The following ZGRF1 variants were observed in gnomAD, a reference collection of about 807,000 sequenced individuals.
The protein encoded by ZGRF1 is 5'-3' DNA helicase ZGRF1.
ZGRF1 carries 196 observed loss-of-function variants against 203.5 expected under a neutral mutation model. The ratio of observed to expected loss-of-function variants is 0.96; its 90% CI spans 0.86 to 1.08. The LOEUF is 1.08. Ranked by LOEUF, ZGRF1 falls within the 50% of genes least tolerant of loss-of-function variation. The pLI is 0.00. For synonymous variants in ZGRF1, 809 were observed against 841.3 expected (o/e 0.96, Z 0.66); for missense variants, 2,326 against 2,416.3 (o/e 0.96, Z 0.78).
chr4:112,564,951 G>A (rs1742742130), intron 16 of ZGRF1: 7 of 800,148 alleles, frequency 8.7e-6, no homozygotes, highest in East Asian at 7.4e-5. Context: ...AGCTCCAGCC[G>A]AAGGAGAAAT....
rs375588921 is a variant in ZGRF1 at position 112,617,729 on chromosome 4, C to A, written c.2313G>T (p.Lys771Asn). 1.9e-6 allele frequency: 3 copies of A among 1,613,942 alleles called. No individual in the cohort carries two copies. The highest frequency in any genetic ancestry group is 2.5e-6 in the Non-Finnish European group (3 of 1,179,994). The change falls in exon 6 of 28, where the codon AAG becomes AAT. Residue 771 changes from lysine to asparagine, a missense_variant. Transcript: ENST00000505019. ...CTTCTGTGTCTTTGGAAATAAGATG[C>A]TTTTTTCCCAGTGGGTAAAACAAAG... ...SNSLFYPLGK[K>N]HLISKDTEAH...
rs375357793 is a variant in ZGRF1, at chr4:112,619,600, G to A, written c.442C>T (p.Pro148Ser). ...CTGCAGAATGGAGAAAAAATAGTAG[G>A]GCCAGTTTTCTTAGCCTCATGTGAT... is the stretch of plus-strand genomic sequence containing the variant. ...AASHEAKKTGPTIFSPFCSMP... is the reference protein window; with the variant it reads ...AASHEAKKTGSTIFSPFCSMP... The change falls in exon 6 of 28, where the codon CCT (proline) becomes TCT (serine). Residue 148 changes from proline (P) to serine (S), a missense_variant. Physicochemically the swap from Pro to Ser is moderately conservative, Grantham distance 74. Coordinates refer to ENST00000505019, the MANE Select transcript of ZGRF1 (RefSeq NM_018392.5). 8 of 1,613,664 alleles carry A rather than the reference G, an allele frequency of 5.0e-6. No homozygotes were observed. The African/African-American group carries it at 6.7e-5, about 13-fold the overall frequency.
intron 6 of ZGRF1, among the ~76,000 whole-genome samples, chr4:112,612,902 T>C (rs1681520249): frequency 6.6e-6 from 1 of 152,152 alleles, no homozygotes; most frequent in Admixed American, 6.5e-5. Context: ...AACCCAATAG[T>C]TAATAACCTA....
chr4:112,600,734 C>T (rs952692430), intron 10 of ZGRF1, among the ~76,000 whole-genome samples: 1 of 151,936 alleles, frequency 6.6e-6, no homozygotes, highest in Non-Finnish European at 1.5e-5. Flanking sequence ...GCTTCTAGCC[C>T]TCCTAGGCTC....
intron 20 of ZGRF1, among the ~76,000 whole-genome samples, chr4:112,555,594 AT>A (rs1025374204): frequency 1.3e-5 from 2 of 152,182 alleles, no homozygotes; most frequent in South Asian, 4.1e-4. Flanking sequence ...CTAGTTTACA[AT>A]TTTTTTTCCA....
Position 112,606,011 on chromosome 4 carries a change from AG to A in ZGRF1, c.2798del (p.Pro933LeufsTer11). Reference sequence around the variant, plus strand: ...CGATGTTCTTCACAAATTTTACCTTAGGGTCACAGGTTTTTCTCTCTATTTG... The same window carrying A: ...CGATGTTCTTCACAAATTTTACCTTAGGTCACAGGTTTTTCTCTCTATTTG... ...PKQIERKTCD[P>X]KPVEFQGHQV... On this transcript the variant is annotated frameshift_variant, in exon 9 of 28. Transcript: ENST00000505019. LOFTEE classifies it high-confidence loss of function. 1 of 1,579,870 alleles carries A rather than the reference AG, an allele frequency of 6.3e-7. No individual in the cohort carries two copies. Among genetic ancestry groups the A allele is most frequent in the Non-Finnish European group, 8.6e-7 (1 of 1,156,366 alleles).
intron 3 of ZGRF1, among the ~76,000 whole-genome samples, chr4:112,625,313 G>T (rs970971052): frequency 3.3e-5 from 5 of 151,676 alleles, no homozygotes; most frequent in Admixed American, 3.3e-4. Flanking sequence ...ATCGCCAGGC[G>T]CGGTGGCTCA....
chr4:112,594,388 T>C (rs1748650548), intron 10 of ZGRF1, among the ~76,000 whole-genome samples: 1 of 152,156 alleles, frequency 6.6e-6, no homozygotes, highest in Non-Finnish European at 1.5e-5. Flanking sequence ...GGACTCTTTT[T>C]CTACTATATT....
intron 3 of ZGRF1, among the ~76,000 whole-genome samples, chr4:112,628,209 T>C (rs912991738): frequency 3.9e-5 from 6 of 152,204 alleles, no homozygotes; most frequent in African/African-American, 1.4e-4. Context: ...CTACCATTCA[T>C]TGCGTGCTCA....
chr4:112,630,816 G>A (rs371471042), intron 3 of ZGRF1, among the ~76,000 whole-genome samples: 5 of 151,854 alleles, frequency 3.3e-5, no homozygotes, highest in South Asian at 4.2e-4. Flanking sequence ...GAACGTGGGA[G>A]GCGGAGGCTG....
chr4:112,546,052 CATT>C (rs1206603403), intron 24 of ZGRF1, among the ~76,000 whole-genome samples: 1 of 94,466 alleles, frequency 1.1e-5, no homozygotes, highest in Admixed American at 1.2e-4. Context: ...GGTTGTACAA[CATT>C]ATGAATGTAC....
Position 112,586,501 on chromosome 4 carries a change from G to A in ZGRF1, c.3860C>T (p.Pro1287Leu), listed in dbSNP as rs964551550. 6.2e-7 allele frequency: 1 copy of A among 1,613,018 alleles called. No homozygotes were observed. Among genetic ancestry groups the A allele is most frequent in the African/African-American group, 1.3e-5 (1 of 74,992 alleles). The change falls in exon 13 of 28, where the codon CCA becomes CTA. Residue 1287 changes from proline (P) to leucine (L), a missense_variant. Transcript: ENST00000505019. Reference protein sequence around the residue: ...AYLPQRQIHIPAVFQSPAHYK... With the variant: ...AYLPQRQIHILAVFQSPAHYK... ...ATGAGCAGGAGACTGAAAAACAGCT[G>A]GTATGTGAATTTGCCTTTGGGGAAG... is the stretch of plus-strand genomic sequence containing the variant.
At chr4:112,564,984 T>A in intron 16 of ZGRF1, 1 of 873,610 alleles carries the variant, frequency 1.1e-6, no homozygotes, top group East Asian at 2.4e-5. Flanking sequence ...GAGGTCTCTG[T>A]ACCATGGCTC....
intron 16 of ZGRF1, among the ~76,000 whole-genome samples, chr4:112,565,876 G>T (rs1742970585): frequency 1.3e-5 from 2 of 152,190 alleles, no homozygotes; most frequent in Admixed American, 1.3e-4. Flanking sequence ...TGGAGAAATA[G>T]CAACACTTTT....
At position 112,560,854 on chromosome 4, in the gene ZGRF1, G is replaced by C; in HGVS notation, c.4839C>G (p.His1613Gln). 1 of 1,613,716 alleles carries C rather than the reference G, an allele frequency of 6.2e-7. No individual in the cohort carries two copies. Among genetic ancestry groups the C allele is most frequent in the Non-Finnish European group, 8.5e-7 (1 of 1,179,746 alleles). Residue 1613 changes from histidine (H) to glutamine (Q), a missense_variant, in exon 19 of 28, where the codon CAC becomes CAG. Transcript: ENST00000505019. The stretch of plus-strand genomic sequence containing the variant: ...CTGTAGCTTGATCCTTGTTTAACTT[G>C]TGTACCTGAATCAACTCACTAGCTA... ...LKLASELIQV[H>Q]KLNKDQATAL...
At chr4:112,598,731 ATAAAT>A (rs1209937224) in intron 10 of ZGRF1, among the ~76,000 whole-genome samples, 3 of 152,314 alleles carry the variant, frequency 2.0e-5, no homozygotes, top group Admixed American at 6.5e-5. Context: ...ATCTTATTAC[ATAAAT>A]TAAAACATTT....
chr4:112,544,931 T>C (rs761339820), intron 24 of ZGRF1, among the ~76,000 whole-genome samples: 2 of 152,170 alleles, frequency 1.3e-5, no homozygotes, highest in African/African-American at 2.4e-5. Context: ...GAAAACTATA[T>C]ATCCACATGC....
At position 112,617,938 on chromosome 4, in the gene ZGRF1, T is replaced by C. The variant is rs1020157162; in HGVS notation, c.2104A>G (p.Ser702Gly). The change falls in exon 6 of 28, where the codon AGT becomes GGT. Residue 702 changes from serine to glycine, a missense_variant. By Grantham distance (56) the Ser-to-Gly change is moderately conservative. Transcript: ENST00000505019. ...TGAGCATCTTCTGAAAATAGATTAC[T>C]GTTTTCAGCAATCTGGTTTTGAATA... ...PHIQNQIAEN[S>G]NLFSEDAQPQ... 3 of 1,613,568 alleles carry C rather than the reference T, an allele frequency of 1.9e-6. No homozygotes were observed. Among genetic ancestry groups the C allele is most frequent in the Admixed American group, 1.7e-5 (1 of 60,016 alleles).
chr4:112,602,250 TAA>T (rs1750096849), intron 10 of ZGRF1, among the ~76,000 whole-genome samples: 4 of 148,894 alleles, frequency 2.7e-5, no homozygotes, highest in Non-Finnish European at 5.9e-5. Flanking sequence ...TCAAAGAGGA[TAA>T]AGAGATGGCC....
Sources: gnomAD v4.1 joint callset for allele counts (sites outside exome capture counted in the v4.1 genomes callset) on GRCh38, gnomAD v4.1.1 for gene constraint, MANE v1.5 for transcripts, NCBI Gene and HGNC (gene_info 2026-07-23, HGNC 2026-07-21) for gene names.